The following WASL variants were observed in gnomAD, a reference collection of about 807,000 sequenced individuals.
WASL encodes actin nucleation-promoting factor WASL.
In WASL, 20 loss-of-function variants were observed where a neutral mutation model predicts 55.5. The observed-to-expected ratio is 0.36, with a 90% confidence interval of 0.25 to 0.52. WASL has a LOEUF of 0.52. Among genes scored for constraint, WASL ranks in the 20% least tolerant of loss-of-function variants. The pLI is 0.92. For synonymous variants in WASL, 249 were observed against 217.6 expected (o/e 1.14, Z -1.27); for missense variants, 504 against 622.5 (o/e 0.81, Z 2.03).
intron 1 of WASL, among the ~76,000 whole-genome samples, chr7:123,723,549 C>T (rs1277538575): frequency 6.6e-6 from 1 of 152,180 alleles, no homozygotes; most frequent in Non-Finnish European, 1.5e-5. Flanking sequence ...GCCAGTACCA[C>T]CCATTCCCCA....
At chr7:123,688,592 C>T (rs942344074) in intron 10 of WASL, among the ~76,000 whole-genome samples, 1 of 152,104 alleles carries the variant, frequency 6.6e-6, no homozygotes, top group African/African-American at 2.4e-5. Flanking sequence ...GAACTCCCGA[C>T]CTCAGGTGAT....
At position 123,694,823 on chromosome 7, in the gene WASL, C is replaced by G. The variant is rs1483137001; in HGVS notation, c.718G>C (p.Gly240Arg). 6.2e-7 allele frequency: 1 copy of G among 1,611,586 alleles called. No homozygotes were observed. The highest frequency in any genetic ancestry group is 1.7e-5 in the Admixed American group (1 of 59,630). ...PELKNLFDMC[G>R]ISEAQLKDRE... ...TCTTTAAGTTGTGCCTCTGAGATTC[C>G]ACACATATCGAAAAGATTCTTCAAT... Residue 240 changes from glycine to arginine, a missense_variant, in exon 8 of 11, where the codon GGA becomes CGA. Transcript: ENST00000223023.
chr7:123,738,207 A>C (rs1804270998), intron 1 of WASL, among the ~76,000 whole-genome samples: 1 of 152,154 alleles, frequency 6.6e-6, no homozygotes, highest in Non-Finnish European at 1.5e-5. Context: ...ATAAGGCAGT[A>C]ATATATTAAT....
chr7:123,709,804 G>A (rs1318243357), intron 1 of WASL, among the ~76,000 whole-genome samples: 1 of 152,174 alleles, frequency 6.6e-6, no homozygotes, highest in Non-Finnish European at 1.5e-5. Context: ...CACCCTGGAA[G>A]GCAGATTATA....
intron 1 of WASL, among the ~76,000 whole-genome samples, chr7:123,742,147 A>C (rs778203183): frequency 3.9e-5 from 6 of 152,216 alleles, no homozygotes; most frequent in Non-Finnish European, 5.9e-5. Context: ...TGTGCTTTCT[A>C]ATATCCAGAG....
At chr7:123,688,525 A>G (rs1803335392) in intron 10 of WASL, among the ~76,000 whole-genome samples, 1 of 151,962 alleles carries the variant, frequency 6.6e-6, no homozygotes, top group South Asian at 2.1e-4. Context: ...CACGCCGGCT[A>G]ACTTTTTTGT....
chr7:123,709,366 A>C (rs1803720815), intron 1 of WASL, 143 bp from the exon 2 acceptor site: 1 of 586,450 alleles, frequency 1.7e-6, no homozygotes, highest in South Asian at 5.2e-5. Flanking sequence ...ATAAACATGT[A>C]TTGTTATTTT....
chr7:123,704,728 C>T, intron 4 of WASL, 71 bp from the exon 5 acceptor site: 1 of 1,043,570 alleles, frequency 9.6e-7, no homozygotes, highest in Non-Finnish European at 1.3e-6. Context: ...AAAATTAATT[C>T]ACTAAACTGT....
chr7:123,741,296 A>G (rs555675798), intron 1 of WASL, among the ~76,000 whole-genome samples: 27 of 152,314 alleles, frequency 1.8e-4, no homozygotes, highest in African/African-American at 6.3e-4. Flanking sequence ...GTCTTTATTT[A>G]GAAGTTTGGT....
At chr7:123,734,126 A>T (rs1282986472) in intron 1 of WASL, among the ~76,000 whole-genome samples, 1 of 152,134 alleles carries the variant, frequency 6.6e-6, no homozygotes, top group Non-Finnish European at 1.5e-5. Flanking sequence ...GAAAAAGCTG[A>T]TGAACTGGAT....
At chr7:123,702,508 TCA>T (rs1486911270) in intron 5 of WASL, among the ~76,000 whole-genome samples, 1 of 152,192 alleles carries the variant, frequency 6.6e-6, no homozygotes, top group African/African-American at 2.4e-5. Flanking sequence ...CCCTCCATAT[TCA>T]CAGTTCCATA....
chr7:123,720,476 A>C (rs1562962908), intron 1 of WASL: 2 of 353,528 alleles, frequency 5.7e-6, no homozygotes, highest in East Asian at 1.5e-4. Flanking sequence ...CACAAACAAG[A>C]ATAAATAACT....
chr7:123,724,571 A>G (rs1027544558), intron 1 of WASL, among the ~76,000 whole-genome samples: 7 of 152,190 alleles, frequency 4.6e-5, no homozygotes, highest in South Asian at 2.1e-4. Context: ...CAAGGGCCAC[A>G]TGCTCTTGAA....
intron 1 of WASL, among the ~76,000 whole-genome samples, chr7:123,714,363 CAAACA>C (rs1476577827): frequency 2.0e-5 from 3 of 151,854 alleles, no homozygotes; most frequent in Non-Finnish European, 2.9e-5. Flanking sequence ...AAAGAGAAAA[CAAACA>C]AAAACAGTAC....
intron 1 of WASL, among the ~76,000 whole-genome samples, chr7:123,737,299 T>C (rs567209861): frequency 2.6e-5 from 4 of 152,210 alleles, no homozygotes; most frequent in African/African-American, 9.6e-5. Context: ...TTTAGTAAAT[T>C]ATAAAAGCAG....
intron 1 of WASL, among the ~76,000 whole-genome samples, chr7:123,722,232 G>A (rs1803961351): frequency 6.6e-6 from 1 of 152,170 alleles, no homozygotes; most frequent in Admixed American, 6.5e-5. Flanking sequence ...GGACAATAAT[G>A]CTCTGGAAAG....
chr7:123,722,661 A>C (rs1354538525), intron 1 of WASL, among the ~76,000 whole-genome samples: 2 of 152,130 alleles, frequency 1.3e-5, no homozygotes, highest in African/African-American at 4.8e-5. Context: ...CTCTATTAAA[A>C]ATACAAAAAT....
intron 1 of WASL, among the ~76,000 whole-genome samples, chr7:123,720,024 G>A (rs1403378233): frequency 6.6e-6 from 1 of 152,036 alleles, no homozygotes; most frequent in East Asian, 1.9e-4. Flanking sequence ...TCAACTCCTT[G>A]AAGATAGGGC....
intron 1 of WASL, among the ~76,000 whole-genome samples, chr7:123,726,950 C>T (rs1035875105): frequency 6.6e-6 from 1 of 152,028 alleles, no homozygotes; most frequent in Admixed American, 6.6e-5. Context: ...AATCTTGTGT[C>T]CAGAATATAT....
Sources: allele counts gnomAD v4.1 joint callset (sites outside exome capture counted in the v4.1 genomes callset), GRCh38; gene constraint gnomAD v4.1.1; transcripts MANE v1.5; gene names NCBI Gene and HGNC (gene_info 2026-07-23, HGNC 2026-07-21).